PTPRD: variants seen among roughly 807,000 people sequenced by gnomAD.
The protein encoded by PTPRD is receptor-type tyrosine-protein phosphatase delta.
A neutral mutation model predicts 214.5 loss-of-function variants in PTPRD; 34 were observed. The observed-to-expected ratio is 0.16, with a 90% CI of 0.12 to 0.21. The LOEUF is 0.21. PTPRD is among the 10% of genes least tolerant of loss of function. The pLI, the probability that PTPRD is intolerant of heterozygous loss-of-function variation, is 1.00. For missense variants in PTPRD, 2,545 were observed against 2,398.7 expected, an observed-to-expected ratio of 1.06 and a Z score of -1.27; for synonymous variants, 1,128 against 845.7, an observed-to-expected ratio of 1.33 and a Z score of -5.79.
In PTPRD at chr9:9,676,172, A is replaced by T. The variant is rs556487347; in HGVS notation, c.-287+58361T>A. Among the ~76,000 whole-genome samples the T allele has an allele frequency of 2.0e-5, 3 of 152,170 alleles. No individual in the cohort carries two copies. The East Asian group carries it at 5.8e-4, about 30-fold the overall frequency. Reference sequence around the variant, plus strand: ...TTAAGTTTTAGGGTACATGTGCACAACGTGCAGGTTAGTTACGTATGTATA... The same window carrying T: ...TTAAGTTTTAGGGTACATGTGCACATCGTGCAGGTTAGTTACGTATGTATA... On this transcript the variant is annotated intron_variant, in intron 7 of 45. Transcript: ENST00000381196.
At chr9:8,508,796 T>C (rs2097594757) in intron 21 of PTPRD, among the ~76,000 whole-genome samples, 1 of 152,150 alleles carries the variant, frequency 6.6e-6, no homozygotes, top group South Asian at 2.1e-4. Context: ...ATGCCCTTTG[T>C]TAAAGCAGTC....
chr9:8,914,848 TTTA>T (rs2098773502), intron 11 of PTPRD, among the ~76,000 whole-genome samples: 1 of 152,126 alleles, frequency 6.6e-6, no homozygotes, highest in Admixed American at 6.6e-5. Flanking sequence ...TTTACTGGAT[TTTA>T]TTATTGTTTT....
At chr9:10,511,918 G>GTA (rs200167913) in intron 2 of PTPRD, among the ~76,000 whole-genome samples, 3 of 103,428 alleles carry the variant, frequency 2.9e-5, no homozygotes, top group Non-Finnish European at 4.0e-5. Context: ...ATATATACGT[G>GTA]TATATATATA....
rs2153904754 is a variant in PTPRD, at chr9:9,928,410, C to T, written c.-368+10097G>A. On this transcript the variant is annotated intron_variant, in intron 5 of 45. Transcript: ENST00000381196. Reference sequence around the variant, plus strand: ...CTGAATTCCCTTTGTTATCAAAGGACAGAGAGAGCACCTTAAAAACTATTG... The same window carrying T: ...CTGAATTCCCTTTGTTATCAAAGGATAGAGAGAGCACCTTAAAAACTATTG... Among the ~76,000 whole-genome samples, 2 of 152,182 alleles carry T rather than the reference C, an allele frequency of 1.3e-5. 1 individual carries two copies. The highest frequency in any genetic ancestry group is 4.1e-4 in the South Asian group (2 of 4,828).
chr9:9,136,270 C>T lies in PTPRD; in HGVS notation c.-143+47034G>A, dbSNP rs575384756. Among the ~76,000 whole-genome samples, 30 of 152,208 alleles carry T rather than the reference C, an allele frequency of 2.0e-4. No individual in the cohort carries two copies. The South Asian group carries it at 6.0e-3, about 31-fold the overall frequency. On this transcript the variant is annotated intron_variant, in intron 10 of 45. Transcript: ENST00000381196. Reference sequence around the variant, plus strand: ...TGATTTTTAAGTCTCTAATTAACATCTTTTGGTCATGGTTGTTTTTAGATT... The same window carrying T: ...TGATTTTTAAGTCTCTAATTAACATTTTTTGGTCATGGTTGTTTTTAGATT...
rs185020656 is a variant in PTPRD at position 8,562,196 on chromosome 9, T to A, written c.353-33417A>T. On this transcript the variant is annotated intron_variant, in intron 14 of 45. Transcript: ENST00000381196. Reference sequence around the variant, plus strand: ...CTATAGGCATCAATAAGCTATAAGGTGGATAAGATAGTTCTGTTGTAAAAG... The same window carrying A: ...CTATAGGCATCAATAAGCTATAAGGAGGATAAGATAGTTCTGTTGTAAAAG... 5.1e-3 allele frequency among the ~76,000 whole-genome samples: 771 copies of A among 152,212 alleles called. 2 individuals are homozygous for A. The highest frequency in any genetic ancestry group is 0.017 in the Middle Eastern group (5 of 294).
intron 9 of PTPRD, among the ~76,000 whole-genome samples, chr9:9,260,104 T>A (rs539139919): frequency 6.6e-6 from 1 of 151,970 alleles, no homozygotes; most frequent in East Asian, 2.0e-4. Flanking sequence ...CATTGTGAAA[T>A]ATATTTTCTA....
intron 4 of PTPRD, among the ~76,000 whole-genome samples, chr9:9,975,842 G>A (rs1054264312): frequency 1.3e-5 from 2 of 152,190 alleles, no homozygotes; most frequent in Non-Finnish European, 2.9e-5. Flanking sequence ...CTGCATTAAA[G>A]TGGGGATACT....
At chr9:8,667,281 G>C (rs2097189469) in intron 12 of PTPRD, among the ~76,000 whole-genome samples, 1 of 152,214 alleles carries the variant, frequency 6.6e-6, no homozygotes, top group African/African-American at 2.4e-5. Flanking sequence ...AGAAGTTGCA[G>C]TGAGCCGAGA....
In PTPRD at chr9:9,687,171, C is replaced by T. The variant is rs764717481; in HGVS notation, c.-287+47362G>A. On this transcript the variant is annotated intron_variant, in intron 7 of 45. Coordinates refer to ENST00000381196, the MANE Select transcript of PTPRD (RefSeq NM_002839.4). The stretch of plus-strand genomic sequence containing the variant: ...ATAGATCTACACAGCACATCATTAA[C>T]CATAAAGGCACACTCGTGAGTTCCT... Among the ~76,000 whole-genome samples, 3 of 151,784 alleles carry T rather than the reference C, an allele frequency of 2.0e-5. No homozygotes were observed. In the East Asian group the frequency reaches 5.8e-4, roughly 29 times the overall value.
At chr9:10,028,973 G>A (rs538928459) in intron 4 of PTPRD, among the ~76,000 whole-genome samples, 74 of 152,162 alleles carry the variant, frequency 4.9e-4, no homozygotes, top group Non-Finnish European at 7.5e-4. Flanking sequence ...GGGGCCCAGG[G>A]TCCCTGGGCT....
Position 10,248,731 on chromosome 9 carries a change from A to G in PTPRD, c.-545+92232T>C, listed in dbSNP as rs1254263770. ...CTTTTGGACGTGCCTTCTTTAAACT[A>G]ATGGCATGCTCTTCTCTCATGAGGT... On this transcript the variant is annotated intron_variant, in intron 3 of 45. Coordinates refer to ENST00000381196, the MANE Select transcript of PTPRD (RefSeq NM_002839.4). 2.0e-5 allele frequency among the ~76,000 whole-genome samples: 3 copies of G among 152,034 alleles called. No individual in the cohort carries two copies. The East Asian group carries it at 5.8e-4, about 29-fold the overall frequency.
At chr9:9,646,334 TGTGTGTGTGG>T (rs1431829856) in intron 7 of PTPRD, among the ~76,000 whole-genome samples, 81 of 149,512 alleles carry the variant, frequency 5.4e-4, no homozygotes, top group African/African-American at 2.1e-3. Flanking sequence ...TGTGTGTGTG[TGTGTGTGTGG>T]GTGTGTGTGT....
intron 9 of PTPRD, among the ~76,000 whole-genome samples, chr9:9,352,329 G>A (rs9407422): frequency 0.06 from 4,135 of 69,222 alleles, 78 homozygotes; most frequent in African/African-American, 0.13. Context: ...ATATATATAT[G>A]TGTGTGTGTG....
chr9:10,018,813 T>G (rs913703801), intron 4 of PTPRD, among the ~76,000 whole-genome samples: 57 of 152,082 alleles, frequency 3.7e-4, no homozygotes, highest in African/African-American at 1.3e-3. Context: ...CCTCCCAAAG[T>G]GCTGGGATTA....
chr9:9,026,449 T>C (rs748861342), intron 10 of PTPRD, among the ~76,000 whole-genome samples: 3 of 151,942 alleles, frequency 2.0e-5, no homozygotes, highest in Non-Finnish European at 2.9e-5. Flanking sequence ...ACAATAAAGA[T>C]CAAGCCTATT....
At position 10,125,583 on chromosome 9, in the gene PTPRD, T is replaced by C. The variant is rs562641617; in HGVS notation, c.-544-91793A>G. ...GATTCTCCTGCCTCAGCCTCCTGAG[T>C]AGCTGGGATTACAGGCGTGCGCTAC... On this transcript the variant is annotated intron_variant, in intron 3 of 45. Coordinates refer to ENST00000381196, the MANE Select transcript of PTPRD (RefSeq NM_002839.4). 4.3e-3 allele frequency among the ~76,000 whole-genome samples: 644 copies of C among 150,726 alleles called. 5 individuals carry two copies. The highest frequency in any genetic ancestry group is 0.015 in the African/African-American group (618 of 41,190).
At chr9:9,459,222 C>G (rs1482083392) in intron 8 of PTPRD, among the ~76,000 whole-genome samples, 5 of 151,990 alleles carry the variant, frequency 3.3e-5, no homozygotes, top group Non-Finnish European at 7.4e-5. Context: ...CAAAAGCTAT[C>G]AACAACCAAG....
chr9:9,454,397 G>A (rs2092695250), intron 8 of PTPRD, among the ~76,000 whole-genome samples: 1 of 151,692 alleles, frequency 6.6e-6, no homozygotes, highest in Admixed American at 6.6e-5. Flanking sequence ...TATCACTGCA[G>A]TATTTTGTTA....
Sources: gnomAD v4.1 joint callset for allele counts (sites outside exome capture counted in the v4.1 genomes callset) on GRCh38, gnomAD v4.1.1 for gene constraint, MANE v1.5 for transcripts, NCBI Gene and HGNC (gene_info 2026-07-23, HGNC 2026-07-21) for gene names.